Variants in OCA2 observed in about 807,000 individuals in gnomAD.
The protein encoded by OCA2 is OCA2 melanosomal transmembrane protein, also known as P protein.
OCA2 carries 77 observed loss-of-function variants against 100.2 expected under a neutral mutation model. The observed-to-expected ratio is 0.77, with a 90% CI of 0.64 to 0.93. OCA2 has a LOEUF of 0.93. OCA2 is among the 40% of genes least tolerant of loss of function. OCA2 has a pLI of 0.00. For synonymous variants in OCA2, 432 were observed against 439.2 expected, an observed-to-expected ratio of 0.98 and a Z score of 0.21; for missense variants, 1,062 against 1,089.1, an observed-to-expected ratio of 0.98 and a Z score of 0.35.
At chr15:27,987,543 C>T (rs1266987563) in intron 11 of OCA2, among the ~76,000 whole-genome samples, 3 of 143,358 alleles carry the variant, frequency 2.1e-5, no homozygotes, top group African/African-American at 7.6e-5. Context: ...CATGGTGAAA[C>T]CCCATCTCTA....
At chr15:27,968,546 A>G (rs1479148187) in intron 14 of OCA2, among the ~76,000 whole-genome samples, 3 of 152,232 alleles carry the variant, frequency 2.0e-5, no homozygotes, top group Non-Finnish European at 2.9e-5. Flanking sequence ...ATTAAAATTT[A>G]TGTATTTTTC....
chr15:27,755,803 A>G (rs2030311854), intron 23 of OCA2, among the ~76,000 whole-genome samples: 1 of 152,066 alleles, frequency 6.6e-6, no homozygotes, highest in Admixed American at 6.5e-5. Flanking sequence ...AAATCTCTGG[A>G]TGTTTCCTCT....
At chr15:27,739,967 T>G in the OCA2 span, among the ~76,000 whole-genome samples, 1 of 152,158 alleles carries the variant, frequency 6.6e-6, no homozygotes, top group Non-Finnish European at 1.5e-5. Flanking sequence ...AGATTTGCAT[T>G]TCAGGCCATT....
At chr15:27,927,670 A>G (rs1168948001) in intron 18 of OCA2, among the ~76,000 whole-genome samples, 1 of 152,138 alleles carries the variant, frequency 6.6e-6, no homozygotes, top group African/African-American at 2.4e-5. Flanking sequence ...GTTCTTCCAC[A>G]TCTTCACCAA....
rs77260304 is a variant in OCA2 at position 27,871,552 on chromosome 15, G to A, written c.2140-294C>T. On this transcript the variant is annotated intron_variant, in intron 20 of 23. Transcript: ENST00000354638. ...CTGCGCACACTGGTCACATTGACCT[G>A]ATGGCCCGGCAGACCCCTGGGGCTG... 0.016 allele frequency among the ~76,000 whole-genome samples: 2,395 copies of A among 152,314 alleles called. 57 individuals carry two copies. Among genetic ancestry groups the A allele is most frequent in the African/African-American group, 0.051 (2,101 of 41,562 alleles).
intron 7 of OCA2, among the ~76,000 whole-genome samples, chr15:28,018,113 A>T (rs1029210621): frequency 6.6e-6 from 1 of 151,684 alleles, no homozygotes; most frequent in Non-Finnish European, 1.5e-5. Context: ...AAAAAAAAAA[A>T]GTTTTTTCAT....
chr15:27,939,080 T>C (rs1463188857), intron 18 of OCA2, among the ~76,000 whole-genome samples: 2 of 152,252 alleles, frequency 1.3e-5, no homozygotes, highest in Non-Finnish European at 2.9e-5. Context: ...CTCAAGCATC[T>C]TTGAAACATG....
At chr15:27,933,753 G>A (rs1034217289) in intron 18 of OCA2, among the ~76,000 whole-genome samples, 3 of 152,172 alleles carry the variant, frequency 2.0e-5, no homozygotes, top group Non-Finnish European at 2.9e-5. Flanking sequence ...TTGGGACAGC[G>A]CAGGAACAAG....
At chr15:27,886,620 C>T (rs1400571954) in intron 19 of OCA2, among the ~76,000 whole-genome samples, 1 of 152,090 alleles carries the variant, frequency 6.6e-6, no homozygotes, top group East Asian at 1.9e-4. Context: ...CAAGGAAATA[C>T]AATATAGCGA....
At chr15:28,076,091 T>C (rs1209898412) in intron 2 of OCA2, among the ~76,000 whole-genome samples, 1 of 152,196 alleles carries the variant, frequency 6.6e-6, no homozygotes, top group Non-Finnish European at 1.5e-5. Context: ...TATTGTTACA[T>C]TTAAGAAACT....
chr15:27,970,331 C>T (rs148448552), intron 14 of OCA2, among the ~76,000 whole-genome samples: 26 of 152,150 alleles, frequency 1.7e-4, no homozygotes, highest in African/African-American at 6.0e-4. Flanking sequence ...CAGAGGGGGC[C>T]AGAGAGGCAG....
chr15:27,977,750 G>A (rs537563129), intron 14 of OCA2, among the ~76,000 whole-genome samples: 2 of 152,222 alleles, frequency 1.3e-5, no homozygotes, highest in Non-Finnish European at 2.9e-5. Context: ...ATGAGGTCAT[G>A]AGGGTGGAGC....
rs1022796282 is a variant in OCA2 at position 27,983,565 on chromosome 15, C to T, written c.1365-82G>A. The T allele has an allele frequency of 1.2e-5, 18 of 1,507,350 alleles. 1 individual carries two copies. Among genetic ancestry groups the T allele is most frequent in the South Asian group, 5.6e-5 (5 of 88,992 alleles). The allele number at this position is 1,507,350 out of a possible 1,614,324, so 93.4% of individuals were successfully genotyped here. On this transcript the variant is annotated intron_variant, in intron 13 of 23. Transcript: ENST00000354638. ...ACATGCAACCCAGAGATTTTTAAGGCGCTTGCTCGTATAAGGGAGGCGCGC... is the reference window on the plus strand; with the variant it reads ...ACATGCAACCCAGAGATTTTTAAGGTGCTTGCTCGTATAAGGGAGGCGCGC...
intron 18 of OCA2, among the ~76,000 whole-genome samples, chr15:27,938,009 G>A (rs2039517150): frequency 1.3e-5 from 2 of 152,162 alleles, no homozygotes; most frequent in Non-Finnish European, 2.9e-5. Flanking sequence ...AAAATGATGG[G>A]CCAGCTTACC....
Position 27,986,661 on chromosome 15 carries a change from A to C in OCA2, c.1183-18T>G, listed in dbSNP as rs778434042. ...AAGATCATCTATGGGGAAAAGAAGA[A>C]GACAAGGATAATCTTTTAGCAGGAC... On this transcript the variant is annotated intron_variant, in intron 11 of 23. Coordinates refer to ENST00000354638, the MANE Select transcript of OCA2 (RefSeq NM_000275.3). The C allele has an allele frequency of 2.0e-6, 3 of 1,491,092 alleles. No individual in the cohort carries two copies. The highest frequency in any genetic ancestry group is 2.7e-5 in the African/African-American group (2 of 73,398). The allele number at this position is 1,491,092 out of a possible 1,614,324, so 92.4% of individuals were successfully genotyped here.
intron 18 of OCA2, among the ~76,000 whole-genome samples, chr15:27,928,315 C>T (rs1177751525): frequency 6.6e-6 from 1 of 152,026 alleles, no homozygotes; most frequent in Non-Finnish European, 1.5e-5. Context: ...TTCAAAAGCT[C>T]AGTAAGATCA....
At chr15:28,018,357 G>A (rs771437757) in intron 7 of OCA2, 40 bp downstream of exon 7, 1 of 1,598,950 alleles carries the variant, frequency 6.3e-7, no homozygotes, top group South Asian at 1.1e-5. Flanking sequence ...GAGATGAAAT[G>A]AGATTTCACA....
At chr15:27,923,725 ATTTG>A (rs1471886619) in intron 19 of OCA2, among the ~76,000 whole-genome samples, 3 of 151,978 alleles carry the variant, frequency 2.0e-5, no homozygotes, top group African/African-American at 4.8e-5. Context: ...TTTCTTGTAA[ATTTG>A]TTTAAGTTCC....
intron 23 of OCA2, among the ~76,000 whole-genome samples, chr15:27,836,859 A>G (rs1013936316): frequency 6.6e-6 from 1 of 152,000 alleles, no homozygotes; most frequent in Non-Finnish European, 1.5e-5. Context: ...TCACTTTTTC[A>G]TTTAATTTAT....
Sources: allele counts gnomAD v4.1 joint callset (sites outside exome capture counted in the v4.1 genomes callset), GRCh38; gene constraint gnomAD v4.1.1; transcripts MANE v1.5; gene names NCBI Gene and HGNC (gene_info 2026-07-23, HGNC 2026-07-21).